MARCHF1: variants seen among roughly 807,000 people sequenced by gnomAD.
MARCHF1 encodes E3 ubiquitin-protein ligase MARCHF1.
A neutral mutation model predicts 54.2 loss-of-function variants in MARCHF1; 40 were observed. The ratio of observed to expected loss-of-function variants is 0.74; its 90% CI spans 0.57 to 0.96. MARCHF1 has a LOEUF of 0.96. Ranked by LOEUF, MARCHF1 falls within the 40% of genes least tolerant of loss-of-function variation. The probability of loss-of-function intolerance (pLI) is 0.00; values close to 1 mark genes in which losing one functional copy is unlikely to be tolerated. For missense variants in MARCHF1, 586 were observed against 656.5 expected (o/e 0.89, Z 1.17); for synonymous variants, 236 against 236.3 (o/e 1.00, Z 0.01).
chr4:163,663,897 A>G (rs1272686857), intron 5 of MARCHF1, among the ~76,000 whole-genome samples: 3 of 151,994 alleles, frequency 2.0e-5, no homozygotes, highest in African/African-American at 7.2e-5. Context: ...TGAGCTATTA[A>G]CACAGTTATG....
At chr4:164,285,655 G>A (rs1304142352) in intron 1 of MARCHF1, among the ~76,000 whole-genome samples, 5 of 151,348 alleles carry the variant, frequency 3.3e-5, no homozygotes, top group East Asian at 1.9e-4. Context: ...TGTTAGCCAG[G>A]ACAGTCTCGA....
At chr4:163,713,619 G>A (rs1312023380) in intron 4 of MARCHF1, among the ~76,000 whole-genome samples, 2 of 152,050 alleles carry the variant, frequency 1.3e-5, no homozygotes, top group African/African-American at 2.4e-5. Context: ...TTATATTAAA[G>A]GCATAGCTGT....
At chr4:163,911,051 T>A (rs542221894) in intron 3 of MARCHF1, among the ~76,000 whole-genome samples, 1 of 152,336 alleles carries the variant, frequency 6.6e-6, no homozygotes, top group African/African-American at 2.4e-5. Context: ...TGTTTTCATG[T>A]GGAGAATTTT....
intron 5 of MARCHF1, among the ~76,000 whole-genome samples, chr4:163,677,718 G>T (rs191951466): frequency 6.6e-6 from 1 of 152,118 alleles, no homozygotes; most frequent in African/African-American, 2.4e-5. Context: ...TCCCACTAGT[G>T]TAAAAGCCCT....
chr4:164,284,269 T>G (rs1212178361), intron 1 of MARCHF1, among the ~76,000 whole-genome samples: 1 of 149,484 alleles, frequency 6.7e-6, no homozygotes, highest in Non-Finnish European at 1.5e-5. Context: ...GAAAAGATAT[T>G]TAGGAGGAGG....
chr4:164,139,377 C>T (rs1208971099), intron 1 of MARCHF1, among the ~76,000 whole-genome samples: 1 of 152,070 alleles, frequency 6.6e-6, no homozygotes, highest in Non-Finnish European at 1.5e-5. Flanking sequence ...TAAACCAGTC[C>T]TTTTCATGTA....
chr4:164,098,032 C>A lies in MARCHF1; in HGVS notation c.-248+13556G>T, dbSNP rs149282292. ...CTGTGATTATGGGCACTAGCTTCTA[C>A]CATGGGATATCTTTATCATTAAGGT... On this transcript the variant is annotated intron_variant, in intron 2 of 9. Transcript: ENST00000514618. Among the ~76,000 whole-genome samples the A allele has an allele frequency of 9.3e-4, 142 of 152,214 alleles. 4 individuals carry two copies. In the East Asian group the frequency reaches 0.026, roughly 28 times the overall value.
intron 4 of MARCHF1, among the ~76,000 whole-genome samples, chr4:163,740,331 T>C (rs1275152080): frequency 6.6e-6 from 1 of 152,220 alleles, no homozygotes; most frequent in Non-Finnish European, 1.5e-5. Flanking sequence ...ACTGTGAACA[T>C]AGTGAGATTT....
intron 1 of MARCHF1, among the ~76,000 whole-genome samples, chr4:164,142,199 C>T (rs1756558850): frequency 6.6e-6 from 1 of 152,208 alleles, no homozygotes; most frequent in African/African-American, 2.4e-5. Context: ...TGATTGCTAG[C>T]ACAGCAGTCT....
At chr4:164,381,960 A>C (rs1578917577) in intron 1 of MARCHF1, among the ~76,000 whole-genome samples, 1 of 152,318 alleles carries the variant, frequency 6.6e-6, no homozygotes, top group Admixed American at 6.5e-5. Context: ...CAACCCCATA[A>C]GTCCTGGATT....
chr4:164,276,010 A>G (rs1233252998), intron 1 of MARCHF1, among the ~76,000 whole-genome samples: 1 of 152,200 alleles, frequency 6.6e-6, no homozygotes, highest in Non-Finnish European at 1.5e-5. Context: ...AACTGCTTCT[A>G]AACATGCCAC....
chr4:164,163,551 A>G (rs1196180744), intron 1 of MARCHF1, among the ~76,000 whole-genome samples: 1 of 152,016 alleles, frequency 6.6e-6, no homozygotes, highest in African/African-American at 2.4e-5. Flanking sequence ...AAAGCAAGAG[A>G]CAATTAATAT....
chr4:163,630,405 T>G (rs1430655924), intron 5 of MARCHF1, among the ~76,000 whole-genome samples: 3 of 152,196 alleles, frequency 2.0e-5, no homozygotes, highest in Non-Finnish European at 4.4e-5. Context: ...AGATTAGCGG[T>G]TGCTGAGGAC....
chr4:164,057,270 C>T (rs1251863622), intron 2 of MARCHF1, among the ~76,000 whole-genome samples: 3 of 152,142 alleles, frequency 2.0e-5, no homozygotes, highest in Non-Finnish European at 4.4e-5. Context: ...ATATTCATTT[C>T]ATAAGAATAT....
intron 2 of MARCHF1, among the ~76,000 whole-genome samples, chr4:164,015,390 G>A (rs1321385123): frequency 6.6e-6 from 1 of 152,090 alleles, no homozygotes; most frequent in Non-Finnish European, 1.5e-5. Context: ...GGACATTGAT[G>A]TGGGCAAACA....
In MARCHF1 at chr4:164,039,135, A is replaced by G. The variant is rs148515740; in HGVS notation, c.-247-50426T>C. Among the ~76,000 whole-genome samples, 1,074 of 152,322 alleles carry G rather than the reference A, an allele frequency of 7.1e-3. 10 individuals are homozygous for G. The highest frequency in any genetic ancestry group is 0.023 in the East Asian group (121 of 5,188). On this transcript the variant is annotated intron_variant, in intron 2 of 9. Transcript: ENST00000514618. The stretch of plus-strand genomic sequence containing the variant: ...AATAGATTAGGGAGTAAAATAATCC[A>G]TTAGTACCTAGTTCTTAATTTGGAG...
intron 3 of MARCHF1, among the ~76,000 whole-genome samples, chr4:163,927,110 A>G (rs1751554905): frequency 6.6e-6 from 1 of 151,768 alleles, no homozygotes; most frequent in Non-Finnish European, 1.5e-5. Flanking sequence ...TATTTGAGAC[A>G]GACTTAAATG....
intron 2 of MARCHF1, among the ~76,000 whole-genome samples, chr4:164,032,159 C>G (rs924649978): frequency 4.6e-5 from 7 of 152,126 alleles, no homozygotes; most frequent in Non-Finnish European, 8.8e-5. Flanking sequence ...GTTTGTATTT[C>G]TGTGGGGTCA....
intron 3 of MARCHF1, among the ~76,000 whole-genome samples, chr4:163,937,618 T>A (rs1335657847): frequency 6.6e-6 from 1 of 152,090 alleles, no homozygotes; most frequent in Non-Finnish European, 1.5e-5. Context: ...TCCTAGGTAA[T>A]CTTTTTGGTT....
Sources: gnomAD v4.1 joint callset for allele counts (sites outside exome capture counted in the v4.1 genomes callset) on GRCh38, gnomAD v4.1.1 for gene constraint, MANE v1.5 for transcripts, NCBI Gene and HGNC (gene_info 2026-07-23, HGNC 2026-07-21) for gene names.